The following WLS variants were observed in gnomAD, a reference collection of about 807,000 sequenced individuals.
WLS encodes the protein Wnt ligand secretion mediator, also known as protein wntless homolog.
WLS carries 23 observed loss-of-function variants against 62.8 expected under a neutral mutation model. That is an observed-to-expected ratio of 0.37 (90% CI 0.26 to 0.52). The LOEUF is 0.52. Ranked by LOEUF, WLS falls within the 20% of genes least tolerant of loss-of-function variation. The pLI is 0.92. For synonymous variants in WLS, 246 were observed against 244.1 expected (o/e 1.01, Z -0.07); for missense variants, 615 against 697.3 (o/e 0.88, Z 1.33).
chr1:68,163,661 A>G (rs556180902), intron 2 of WLS, among the ~76,000 whole-genome samples: 3 of 143,336 alleles, frequency 2.1e-5, no homozygotes, highest in African/African-American at 7.9e-5. Context: ...CACAAATCAC[A>G]TTTCCAAAAT....
At position 68,232,380 on chromosome 1, in the gene WLS, C is replaced by T. The variant is rs200868280; in HGVS notation, c.-81G>A. 2.4e-3 allele frequency: 3,658 copies of T among 1,521,978 alleles called. 7 individuals are homozygous for T. The highest frequency in any genetic ancestry group is 3.2e-3 in the Admixed American group (153 of 47,584). 94.3% of individuals were successfully genotyped at this position (1,521,978 alleles called of 1,614,324 possible). A position where few individuals can be genotyped will look rare whatever the true frequency, so the allele number is the denominator to read the frequency against. ...TTTGCTCCCTCCTCTCACACACTCCCTCCTTCCTCGCCTCCTTTCTGGGCG... is the reference window on the plus strand; with the variant it reads ...TTTGCTCCCTCCTCTCACACACTCCTTCCTTCCTCGCCTCCTTTCTGGGCG... On this transcript the variant is annotated 5_prime_UTR_variant, in exon 1 of 12. Coordinates refer to ENST00000262348, the MANE Select transcript of WLS (RefSeq NM_024911.7).
At chr1:68,161,199 T>C (rs1393210358) in intron 2 of WLS, among the ~76,000 whole-genome samples, 1 of 152,166 alleles carries the variant, frequency 6.6e-6, no homozygotes, top group African/African-American at 2.4e-5. Context: ...GCAGTTCAGA[T>C]GTGAGAGATG....
chr1:68,127,326 C>T (rs1397629607), intron 11 of WLS: 3 of 160,290 alleles, frequency 1.9e-5, no homozygotes, highest in African/African-American at 7.2e-5. Context: ...CTTTATTCTC[C>T]AGGAAAAAAG....
chr1:68,156,862 C>T (rs1420869184), intron 3 of WLS, among the ~76,000 whole-genome samples: 5 of 152,184 alleles, frequency 3.3e-5, no homozygotes, highest in Non-Finnish European at 7.3e-5. Flanking sequence ...CTCTAATTCT[C>T]CCTCAGATTA....
rs374073552 is a variant in WLS at position 68,192,673 on chromosome 1, A to G, written c.379+1282T>C. Among the ~76,000 whole-genome samples, 585 of 149,494 alleles carry G rather than the reference A, an allele frequency of 3.9e-3. 3 individuals are homozygous for G. The highest frequency in any genetic ancestry group is 0.014 in the Middle Eastern group (4 of 294). ...GGTGGGAGGATAGCTTGAACCCAGG[A>G]GTTCGAGGATGCAGTGAGCTATGAT... On this transcript the variant is annotated intron_variant, in intron 2 of 11. Transcript: ENST00000262348.
intron 10 of WLS, among the ~76,000 whole-genome samples, chr1:68,142,056 C>T (rs1269287586): frequency 6.6e-6 from 1 of 152,176 alleles, no homozygotes; most frequent in African/African-American, 2.4e-5. Flanking sequence ...ATCTTTTTCT[C>T]CAAAGAAAAG....
chr1:68,212,340 C>T (rs1321362669), intron 1 of WLS, among the ~76,000 whole-genome samples: 1 of 152,200 alleles, frequency 6.6e-6, no homozygotes, highest in Admixed American at 6.5e-5. Context: ...CTTATGGGTA[C>T]TTGTAAACCT....
In WLS at chr1:68,108,400, C is replaced by T. The variant is rs372542699; in HGVS notation, c.1511-9647G>A. Among the ~76,000 whole-genome samples, 11 of 152,256 alleles carry T rather than the reference C, an allele frequency of 7.2e-5. No individual in the cohort carries two copies. In the East Asian group the frequency reaches 1.5e-3, roughly 21 times the overall value. On this transcript the variant is annotated intron_variant, in intron 11 of 11. Transcript: ENST00000354777. ...GAATAATGTTTATGTCAAGGATTGT[C>T]CTAAAATCCAAATGAAGTCATGGAG... is the stretch of plus-strand genomic sequence containing the variant.
intron 11 of WLS, among the ~76,000 whole-genome samples, chr1:68,101,817 T>G (rs1348590692): frequency 1.3e-5 from 2 of 152,166 alleles, no homozygotes; most frequent in East Asian, 3.8e-4. Context: ...TTCTCTTCCT[T>G]TAACAAGGAA....
chr1:68,199,072 G>GAC (rs10669021), intron 1 of WLS, among the ~76,000 whole-genome samples: 85,301 of 151,896 alleles, frequency 0.56, 24,012 homozygotes, highest in African/African-American at 0.6. Flanking sequence ...GTTAGAGAGA[G>GAC]ACAAGACTTG....
chr1:68,158,972 G>C (rs1646936579), intron 3 of WLS, 151 bp downstream of exon 3: 1 of 994,416 alleles, frequency 1.0e-6, no homozygotes, highest in African/African-American at 1.6e-5. Flanking sequence ...CCCGTGGCAG[G>C]AGAGAAGAGG....
intron 11 of WLS, among the ~76,000 whole-genome samples, chr1:68,106,732 GTGTGTGTGTGTGTGTGTGTA>G (rs1323573584): frequency 1.2e-4 from 9 of 72,894 alleles, no homozygotes; most frequent in African/African-American, 3.6e-4. Flanking sequence ...GTGTGTGTGT[GTGTGTGTGTGTGTGTGTGTA>G]TGTGTGGGTA....
At chr1:68,211,461 TC>T (rs1437362707) in intron 1 of WLS, among the ~76,000 whole-genome samples, 1 of 152,168 alleles carries the variant, frequency 6.6e-6, no homozygotes, top group Non-Finnish European at 1.5e-5. Flanking sequence ...TCGCCTCATC[TC>T]CAGGGCACTC....
At chr1:68,105,839 C>T (rs1460569899) in intron 11 of WLS, among the ~76,000 whole-genome samples, 7 of 152,120 alleles carry the variant, frequency 4.6e-5, no homozygotes. Context: ...GTACACCTAA[C>T]ACCAGATGAG....
chr1:68,137,859 C>G lies in WLS; in HGVS notation c.1437G>C (p.Gly479=). ...GAGCAAAGACATACAGATTCCACAT[C>G]CCATAGATGCCTGTGAAAAAGGCAC... ...VNSAFFTGIY[G]MWNLYVFALM... is the part of the protein sequence containing the mutation. The change falls in exon 11 of 12, where the codon GGG becomes GGC. Residue 479 remains glycine (G), a synonymous_variant. Transcript: ENST00000262348. The G allele has an allele frequency of 6.2e-7, 1 of 1,614,016 alleles. No individual in the cohort carries two copies. Among genetic ancestry groups the G allele is most frequent in the Non-Finnish European group, 8.5e-7 (1 of 1,179,930 alleles).
chr1:68,231,046 T>A (rs966845497), intron 1 of WLS, among the ~76,000 whole-genome samples: 8 of 151,940 alleles, frequency 5.3e-5, no homozygotes, highest in African/African-American at 1.7e-4. Context: ...AACAAAGCCG[T>A]GAAGTAAGGA....
intron 11 of WLS, among the ~76,000 whole-genome samples, chr1:68,134,468 A>G (rs1039501062): frequency 1.3e-5 from 2 of 152,180 alleles, no homozygotes; most frequent in African/African-American, 4.8e-5. Context: ...TGTGTTTAGG[A>G]TCAGCATATG....
At chr1:68,189,975 C>T (rs778783371) in intron 2 of WLS, among the ~76,000 whole-genome samples, 4 of 152,218 alleles carry the variant, frequency 2.6e-5, no homozygotes, top group Non-Finnish European at 5.9e-5. Flanking sequence ...TGCCACCGTA[C>T]TCCAGCCTGG....
chr1:68,148,749 C>A, intron 6 of WLS, 89 bp from the exon 7 acceptor site: 1 of 1,166,490 alleles, frequency 8.6e-7, no homozygotes, highest in South Asian at 1.3e-5. Flanking sequence ...GGACACTTGC[C>A]GACCACCTAT....
Sources: gnomAD v4.1 joint callset for allele counts (sites outside exome capture counted in the v4.1 genomes callset) on GRCh38, gnomAD v4.1.1 for gene constraint, MANE v1.5 for transcripts, NCBI Gene and HGNC (gene_info 2026-07-23, HGNC 2026-07-21) for gene names.